The following DOCK8 variants were observed in gnomAD, a reference collection of about 807,000 sequenced individuals.
DOCK8 encodes dedicator of cytokinesis 8, also known as dedicator of cytokinesis protein 8.
Under a neutral mutation model 245.6 loss-of-function variants are expected in DOCK8, and 141 were observed. The observed-to-expected ratio is 0.57, with a 90% CI of 0.50 to 0.66. The LOEUF (loss-of-function observed/expected upper bound fraction) is 0.66. Ranked by LOEUF, DOCK8 falls within the 30% of genes least tolerant of loss-of-function variation. The probability of loss-of-function intolerance (pLI) is 0.00; values close to 1 mark genes in which losing one functional copy is unlikely to be tolerated. For missense variants in DOCK8, 2,965 were observed against 2,603.4 expected (o/e 1.14, Z -3.02); for synonymous variants, 1,168 against 970.2 (o/e 1.20, Z -3.79).
intron 29 of DOCK8, 32 bp from the exon 30 acceptor site, chr9:418,036 A>G (rs748045995): frequency 6.2e-7 from 1 of 1,614,026 alleles, no homozygotes; most frequent in South Asian, 1.1e-5. Flanking sequence ...GTCATGTTTG[A>G]CTTGACATCA....
intron 5 of DOCK8, among the ~76,000 whole-genome samples, chr9:310,047 C>T (rs1310783628): frequency 1.3e-5 from 2 of 152,140 alleles, no homozygotes; most frequent in African/African-American, 4.8e-5. Flanking sequence ...ACAGGTGGAT[C>T]ACTTGAGGTC....
intron 2 of DOCK8, 111 bp from the exon 3 acceptor site, chr9:286,350 G>A: frequency 3.2e-6 from 4 of 1,241,322 alleles, no homozygotes; most frequent in Non-Finnish European, 4.5e-6. Flanking sequence ...TATGCCAGGA[G>A]CGAAGTACTT....
intron 19 of DOCK8, 148 bp downstream of exon 19, chr9:376,453 T>A (rs1407718369): frequency 1.4e-6 from 1 of 711,684 alleles, no homozygotes; most frequent in African/African-American, 1.8e-5. Context: ...CAAACCTCTT[T>A]AGGTTTCATT....
At chr9:315,353 G>A (rs1321798547) in intron 6 of DOCK8, among the ~76,000 whole-genome samples, 2 of 152,086 alleles carry the variant, frequency 1.3e-5, no homozygotes, top group Non-Finnish European at 2.9e-5. Flanking sequence ...ATTTCAGTTA[G>A]CTATAAAGCC....
At chr9:394,077 C>T (rs777591222) in intron 24 of DOCK8, among the ~76,000 whole-genome samples, 3 of 152,150 alleles carry the variant, frequency 2.0e-5, no homozygotes, top group Non-Finnish European at 2.9e-5. Flanking sequence ...GACCTCACTG[C>T]AGCAGGGATG....
chr9:355,978 A>G (rs536039128), intron 14 of DOCK8, among the ~76,000 whole-genome samples: 1 of 152,226 alleles, frequency 6.6e-6, no homozygotes, highest in Non-Finnish European at 1.5e-5. Flanking sequence ...TTCTTAGTAA[A>G]TGACTTTCAG....
At chr9:400,815 C>CCACCTCCACCATCACCAT (rs2054954082) in intron 26 of DOCK8, among the ~76,000 whole-genome samples, 1 of 98,220 alleles carries the variant, frequency 1.0e-5, no homozygotes, top group Non-Finnish European at 2.0e-5. Flanking sequence ...ACCATCACCA[C>CCACCTCCACCATCACCAT]CACCTCCACC....
At chr9:215,363 G>A in intron 1 of DOCK8, 1 of 1,596,386 alleles carries the variant, frequency 6.3e-7, no homozygotes. Context: ...AGGCGCCTGG[G>A]TAACCGTGTT....
At chr9:438,115 C>T (rs1434133160) in intron 39 of DOCK8, among the ~76,000 whole-genome samples, 1 of 152,216 alleles carries the variant, frequency 6.6e-6, no homozygotes, top group Non-Finnish European at 1.5e-5. Flanking sequence ...AACTACGTTA[C>T]AGTATTGCAT....
chr9:305,723 C>G (rs1172969529), intron 5 of DOCK8, among the ~76,000 whole-genome samples: 1 of 152,174 alleles, frequency 6.6e-6, no homozygotes, highest in Non-Finnish European at 1.5e-5. Context: ...AGCAAACACT[C>G]TAACAAATAG....
intron 9 of DOCK8, among the ~76,000 whole-genome samples, chr9:331,743 T>C (rs1325536626): frequency 6.6e-6 from 1 of 152,248 alleles, no homozygotes. Flanking sequence ...TCATTCATTC[T>C]TATTACCAGC....
intron 24 of DOCK8, among the ~76,000 whole-genome samples, chr9:395,639 A>C (rs1421059648): frequency 6.6e-6 from 1 of 151,768 alleles, no homozygotes; most frequent in East Asian, 1.9e-4. Flanking sequence ...CAACCACAAG[A>C]CCTTCTAGTC....
intron 4 of DOCK8, among the ~76,000 whole-genome samples, chr9:295,577 G>A (rs1379993485): frequency 6.6e-6 from 1 of 152,118 alleles, no homozygotes; most frequent in Non-Finnish European, 1.5e-5. Context: ...CATGGAGGGG[G>A]GACCTGCCTT....
intron 4 of DOCK8, among the ~76,000 whole-genome samples, chr9:294,117 A>AT (rs2049159080): frequency 6.6e-6 from 1 of 152,228 alleles, no homozygotes; most frequent in South Asian, 2.1e-4. Flanking sequence ...ATAACTGTCC[A>AT]TGTCAGAGCT....
chr9:391,434 T>A (rs1031075257), intron 24 of DOCK8, among the ~76,000 whole-genome samples: 1 of 152,178 alleles, frequency 6.6e-6, no homozygotes, highest in Non-Finnish European at 1.5e-5. Context: ...CAAGGCCCAA[T>A]TAATATCTGT....
At position 421,081 on chromosome 9, in the gene DOCK8, G is replaced by A; in HGVS notation, c.4153+3G>A. The stretch of plus-strand genomic sequence containing the variant: ...GATGATGCGCCGCCGGGCTCCAGGT[G>A]TGTTGGACTGGCCCTTCCCTGCTCT... On this transcript the variant is annotated splice_donor_region_variant and intron_variant, in intron 32 of 47. Coordinates refer to ENST00000432829, the MANE Select transcript of DOCK8 (RefSeq NM_203447.4). 1 of 1,613,998 alleles carries A rather than the reference G, an allele frequency of 6.2e-7. No homozygotes were observed. Among genetic ancestry groups the A allele is most frequent in the Non-Finnish European group, 8.5e-7 (1 of 1,180,040 alleles).
rs2055019312 is a variant in DOCK8, at chr9:400,949, ACCACCACCACCACCAC to A, written c.3234+1692_3234+1707del. ...CACCACAACATCCACCACCACCATC[ACCACCACCACCACCAC>A]CTCCTCCACCATCACCACCTCCTCC... On this transcript the variant is annotated intron_variant, in intron 26 of 47. Coordinates refer to ENST00000432829, the MANE Select transcript of DOCK8 (RefSeq NM_203447.4). 9.7e-5 allele frequency among the ~76,000 whole-genome samples: 11 copies of A among 113,386 alleles called. 1 individual carries two copies. The highest frequency in any genetic ancestry group is 5.0e-4 in the Admixed American group (6 of 11,952). The allele number at this position is 113,386 out of a possible 152,430, so 74.4% of individuals were successfully genotyped here. A position where few individuals can be genotyped will look rare whatever the true frequency, so the allele number is the denominator to read the frequency against.
chr9:280,285 A>G (rs2048522559), intron 2 of DOCK8, among the ~76,000 whole-genome samples: 1 of 152,202 alleles, frequency 6.6e-6, no homozygotes, highest in African/African-American at 2.4e-5. Context: ...CCTTCACTAG[A>G]GAAGTATTGA....
At chr9:344,120 ACACCCCGTTAGAAATGCCAAGGC>A (rs1181834770) in intron 14 of DOCK8, among the ~76,000 whole-genome samples, 1 of 152,048 alleles carries the variant, frequency 6.6e-6, no homozygotes, top group African/African-American at 2.4e-5. Flanking sequence ...AGTGCCAAGG[ACACCCCGTTAGAAATGCCAAGGC>A]CACCCTGTTA....
Sources: allele counts gnomAD v4.1 joint callset (sites outside exome capture counted in the v4.1 genomes callset), GRCh38; gene constraint gnomAD v4.1.1; transcripts MANE v1.5; gene names NCBI Gene and HGNC (gene_info 2026-07-23, HGNC 2026-07-21).